The following SASH1 variants were observed in gnomAD, a reference collection of about 807,000 sequenced individuals.
SASH1 encodes the protein SAM and SH3 domain containing 1.
Under a neutral mutation model 125.2 loss-of-function variants are expected in SASH1, and 44 were observed. That is an observed-to-expected ratio of 0.35 (90% CI 0.28 to 0.45). The LOEUF (loss-of-function observed/expected upper bound fraction) is 0.45. SASH1 is among the 20% of genes least tolerant of loss of function. SASH1 has a pLI of 1.00. For synonymous variants in SASH1, 639 were observed against 649.1 expected, an observed-to-expected ratio of 0.98 and a Z score of 0.24; for missense variants, 1,426 against 1,614.5, an observed-to-expected ratio of 0.88 and a Z score of 2.00.
rs867103850 is a variant in SASH1 at position 148,433,576 on chromosome 6, T to C, written c.286-6608T>C. On this transcript the variant is annotated intron_variant, in intron 2 of 19. Transcript: ENST00000367467. ...GTGTGCCTTCACACCTGGCTTATTT[T>C]TGTATTTTCAGTAGAGACAGGGTTT... Among the ~76,000 whole-genome samples the C allele has an allele frequency of 9.2e-5, 14 of 152,116 alleles. No homozygotes were observed. The South Asian group carries it at 1.7e-3, about 18-fold the overall frequency.
At chr6:148,429,603 C>G (rs1775979472) in intron 2 of SASH1, among the ~76,000 whole-genome samples, 1 of 151,724 alleles carries the variant, frequency 6.6e-6, no homozygotes, top group Non-Finnish European at 1.5e-5. Flanking sequence ...ATAAATTAGG[C>G]ATGGTGGTGT....
At chr6:148,456,880 A>C (rs1432919475) in intron 4 of SASH1, among the ~76,000 whole-genome samples, 27 of 148,566 alleles carry the variant, frequency 1.8e-4, no homozygotes, top group Admixed American at 1.8e-3. Flanking sequence ...TAACAATAAT[A>C]ATAATAATAA....
intron 2 of SASH1, among the ~76,000 whole-genome samples, chr6:148,414,659 CT>C (rs1011817634): frequency 2.0e-5 from 3 of 151,582 alleles, no homozygotes; most frequent in African/African-American, 7.3e-5. Context: ...AGCTTACATT[CT>C]TTTTTTTTAT....
chr6:148,305,544 A>C, intron 1 of SASH1, among the ~76,000 whole-genome samples: 1 of 149,602 alleles, frequency 6.7e-6, no homozygotes, highest in African/African-American at 2.5e-5. Flanking sequence ...AATTGCTTGA[A>C]CCCAGGAAAC....
intron 4 of SASH1, among the ~76,000 whole-genome samples, chr6:148,456,403 C>T (rs1330719815): frequency 1.3e-5 from 2 of 152,224 alleles, no homozygotes; most frequent in Admixed American, 6.5e-5. Context: ...AACAGAGGGC[C>T]AGAGAGGGCC....
chr6:148,471,342 T>C (rs1362355168), intron 5 of SASH1, 75 bp from the exon 6 acceptor site: 6 of 891,020 alleles, frequency 6.7e-6, no homozygotes, highest in African/African-American at 5.2e-5. Flanking sequence ...AGGAAGAGGC[T>C]ACTTTTGTTA....
At position 148,495,507 on chromosome 6, in the gene SASH1, GT is replaced by G. The variant is rs1437826699; in HGVS notation, c.729+7796del. Among the ~76,000 whole-genome samples the G allele has an allele frequency of 6.6e-6, 1 of 152,094 alleles. No individual in the cohort carries two copies. Among genetic ancestry groups the G allele is most frequent in the Non-Finnish European group, 1.5e-5 (1 of 68,018 alleles). ...GACACTAGGTTAAAATTTACCAGATGTTTTATTTTTACATTTCAAAGGTGTT... is the reference window on the plus strand; with the variant it reads ...GACACTAGGTTAAAATTTACCAGATGTTTATTTTTACATTTCAAAGGTGTT... On this transcript the variant is annotated intron_variant, in intron 8 of 19. Coordinates refer to ENST00000367467, the MANE Select transcript of SASH1 (RefSeq NM_015278.5). The surrounding 1 kb of genome is among the most constrained non-coding windows in gnomAD (Gnocchi z 4.0).
intron 15 of SASH1, 51 bp from the exon 16 acceptor site, chr6:148,534,697 TATC>T (rs1230748657): frequency 1.0e-5 from 16 of 1,590,264 alleles, no homozygotes; most frequent in Non-Finnish European, 1.3e-5. Flanking sequence ...TTGGCGGTGT[TATC>T]ATGTGTCTGG....
At chr6:148,448,115 A>AGT (rs34309514) in intron 4 of SASH1, among the ~76,000 whole-genome samples, 6,570 of 146,896 alleles carry the variant, frequency 0.045, 180 homozygotes, top group Non-Finnish European at 0.065. Context: ...CAGTGGAGAG[A>AGT]GTGTGTGTGT....
rs756288985 is a variant in SASH1, at chr6:148,544,597, C to T, written c.3127C>T (p.Pro1043Ser). Reference protein sequence around the residue: ...SDCPPALAPRPLSGQAPGSPP... With the variant: ...SDCPPALAPRSLSGQAPGSPP... ...CTGTCCCCCAGCACTGGCTCCCAGG[C>T]CTCTCTCAGGGCAGGCGCCTGGCAG... Residue 1043 changes from proline (P) to serine (S), a missense_variant, in exon 18 of 20, where the codon CCT becomes TCT. Physicochemically the swap from Pro to Ser is moderately conservative, Grantham distance 74. Around this residue, in one of 3 missense-constraint regions of SASH1, gnomAD observed 634 missense variants for 694.4 expected, o/e 0.91. Transcript: ENST00000367467. The surrounding 1 kb of genome is among the most constrained non-coding windows in gnomAD (Gnocchi z 6.4). 1.5e-5 allele frequency: 24 copies of T among 1,613,102 alleles called. No individual in the cohort carries two copies. Among genetic ancestry groups the T allele is most frequent in the Non-Finnish European group, 1.9e-5 (23 of 1,179,894 alleles).
the SASH1 span, among the ~76,000 whole-genome samples, chr6:148,204,236 A>T: frequency 6.6e-6 from 1 of 152,238 alleles, no homozygotes; most frequent in African/African-American, 2.4e-5. Flanking sequence ...TTGAGGTTTA[A>T]GAAGGAAGTG....
chr6:148,367,300 AAACTT>A (rs1782508693), intron 1 of SASH1, among the ~76,000 whole-genome samples: 1 of 152,204 alleles, frequency 6.6e-6, no homozygotes, highest in Non-Finnish European at 1.5e-5. Flanking sequence ...CTTAAGCTAA[AAACTT>A]AGGTGAGAAC....
intron 1 of SASH1, among the ~76,000 whole-genome samples, chr6:148,337,571 A>G (rs1015332297): frequency 1.3e-5 from 2 of 152,062 alleles, no homozygotes; most frequent in Non-Finnish European, 2.9e-5. Context: ...CATGTTGGCC[A>G]GACTGGTCTT....
chr6:148,381,617 C>CTTTTTTTTT (rs201145545), intron 1 of SASH1, among the ~76,000 whole-genome samples: 1,089 of 77,860 alleles, frequency 0.014, 195 homozygotes, highest in South Asian at 0.035. Flanking sequence ...TTCTTGCTTT[C>CTTTTTTTTT]TTTTTTTTTT....
intron 11 of SASH1, 150 bp downstream of exon 11, chr6:148,525,515 C>A: frequency 1.5e-6 from 1 of 670,438 alleles, no homozygotes; most frequent in Admixed American, 2.3e-5. Flanking sequence ...ATTTCACTTG[C>A]CTTACAGACT....
chr6:148,469,612 A>C (rs1778005749), intron 5 of SASH1, among the ~76,000 whole-genome samples: 1 of 152,202 alleles, frequency 6.6e-6, no homozygotes, highest in Admixed American at 6.5e-5. Flanking sequence ...ATGTACCTGT[A>C]GTCCCAGCTA....
At chr6:148,531,500 C>T in intron 12 of SASH1, 26 bp from the exon 13 acceptor site, 2 of 1,460,814 alleles carry the variant, frequency 1.4e-6, no homozygotes, top group East Asian at 2.5e-5. Context: ...TGATGAACTT[C>T]TTCATTTTGT....
In SASH1 at chr6:148,368,777, C is replaced by CACACACACACACACACACACACACAT. The variant is rs779992595; in HGVS notation, c.157-21339_157-21338insACACACATACACACACACACACACAC. ...ATGCGCGCGCACGCGCGCGCACACA[C>CACACACACACACACACACACACACAT]ACACACACACACACACACGGGGTTC... On this transcript the variant is annotated intron_variant, in intron 1 of 19. Coordinates refer to ENST00000367467, the MANE Select transcript of SASH1 (RefSeq NM_015278.5). 7.0e-3 allele frequency among the ~76,000 whole-genome samples: 1,059 copies of CACACACACACACACACACACACACAT among 151,548 alleles called. 32 individuals are homozygous for CACACACACACACACACACACACACAT. Among genetic ancestry groups the CACACACACACACACACACACACACAT allele is most frequent in the Admixed American group, 0.041 (630 of 15,198 alleles).
the SASH1 span, among the ~76,000 whole-genome samples, chr6:148,245,146 C>T: frequency 6.6e-6 from 1 of 152,176 alleles, no homozygotes; most frequent in African/African-American, 2.4e-5. Flanking sequence ...ATTTTAGAAT[C>T]TGCAGGGTTG....
Sources: allele counts gnomAD v4.1 joint callset (sites outside exome capture counted in the v4.1 genomes callset), GRCh38; gene constraint gnomAD v4.1.1; regional missense constraint gnomAD v4.1.1; non-coding constraint Gnocchi (gnomAD v3.1); transcripts MANE v1.5; gene names NCBI Gene and HGNC (gene_info 2026-07-23, HGNC 2026-07-21).